The following INTS9 variants were observed in gnomAD, a reference collection of about 807,000 sequenced individuals.
INTS9 encodes protein related to CPSF subunits of 74 kDa.
A neutral mutation model predicts 79.7 loss-of-function variants in INTS9; 55 were observed. The observed-to-expected ratio is 0.69, with a 90% CI of 0.56 to 0.86. INTS9 has a LOEUF of 0.86. Ranked by LOEUF, INTS9 falls within the 40% of genes least tolerant of loss-of-function variation. INTS9 has a pLI of 0.00. For synonymous variants in INTS9, 319 were observed against 325.2 expected (o/e 0.98, Z 0.20); for missense variants, 721 against 831.5 (o/e 0.87, Z 1.64).
chr8:28,884,673 G>A (rs1810092002), intron 1 of INTS9, among the ~76,000 whole-genome samples: 1 of 152,164 alleles, frequency 6.6e-6, no homozygotes, highest in African/African-American at 2.4e-5. Context: ...AAAACCTATT[G>A]AGGTTATGAT....
intron 11 of INTS9, among the ~76,000 whole-genome samples, chr8:28,784,265 G>A (rs943011197): frequency 3.9e-5 from 6 of 152,202 alleles, no homozygotes; most frequent in African/African-American, 1.4e-4. Flanking sequence ...TGACAGGTGT[G>A]TGAGTGAGAA....
chr8:28,788,591 G>T (rs1200949720), intron 10 of INTS9, among the ~76,000 whole-genome samples: 1 of 152,148 alleles, frequency 6.6e-6, no homozygotes, highest in African/African-American at 2.4e-5. Context: ...GCGAATTTTT[G>T]TATTTTTAGT....
At chr8:28,782,318 G>A (rs780738624) in intron 11 of INTS9, among the ~76,000 whole-genome samples, 3 of 152,174 alleles carry the variant, frequency 2.0e-5, no homozygotes, top group South Asian at 2.1e-4. Flanking sequence ...CCCAACACTC[G>A]TGAATCACCA....
At chr8:28,877,146 A>G (rs1231158924) in intron 1 of INTS9, among the ~76,000 whole-genome samples, 1 of 152,180 alleles carries the variant, frequency 6.6e-6, no homozygotes, top group Non-Finnish European at 1.5e-5. Flanking sequence ...GTCTGAGAGC[A>G]GCCTGGAAAA....
intron 6 of INTS9, among the ~76,000 whole-genome samples, chr8:28,827,427 G>C (rs557916516): frequency 2.0e-5 from 3 of 152,210 alleles, no homozygotes; most frequent in African/African-American, 7.2e-5. Flanking sequence ...AAACTGGCTG[G>C]GCATTAAGTG....
intron 3 of INTS9, among the ~76,000 whole-genome samples, chr8:28,848,276 C>G (rs537302632): frequency 3.3e-5 from 5 of 152,182 alleles, no homozygotes; most frequent in Non-Finnish European, 5.9e-5. Flanking sequence ...CCATTAGTCA[C>G]TCAACATATA....
At chr8:28,841,305 T>C in intron 4 of INTS9, among the ~76,000 whole-genome samples, 1 of 152,172 alleles carries the variant, frequency 6.6e-6, no homozygotes, top group East Asian at 1.9e-4. Context: ...TAGCATCATT[T>C]TTAAACAAAT....
chr8:28,771,087 G>A lies in INTS9; in HGVS notation c.1564-7C>T. 1 of 1,595,738 alleles carries A rather than the reference G, an allele frequency of 6.3e-7. No individual in the cohort carries two copies. Among genetic ancestry groups the A allele is most frequent in the Non-Finnish European group, 8.5e-7 (1 of 1,169,816 alleles). Reference sequence around the variant, plus strand: ...GCACCAGTGAATCTGCGAGCTGAAAGCAAAGGGCGCAGTTCAGGCTGGGGG... The same window carrying A: ...GCACCAGTGAATCTGCGAGCTGAAAACAAAGGGCGCAGTTCAGGCTGGGGG... On this transcript the variant is annotated splice_polypyrimidine_tract_variant and splice_region_variant and intron_variant, in intron 14 of 16. Coordinates refer to ENST00000521022, the MANE Select transcript of INTS9 (RefSeq NM_018250.4).
At chr8:28,775,428 C>T (rs1033938562) in intron 14 of INTS9, among the ~76,000 whole-genome samples, 1 of 151,782 alleles carries the variant, frequency 6.6e-6, no homozygotes, top group Non-Finnish European at 1.5e-5. Context: ...CCTCCACCTC[C>T]TGGTTCAAGC....
intron 1 of INTS9, among the ~76,000 whole-genome samples, chr8:28,878,136 A>G (rs866946452): frequency 4.6e-5 from 7 of 152,216 alleles, no homozygotes; most frequent in South Asian, 2.1e-4. Flanking sequence ...AGAAAAATCA[A>G]TATGCCAAAC....
At chr8:28,786,963 C>T (rs562377504) in intron 11 of INTS9, among the ~76,000 whole-genome samples, 12 of 152,256 alleles carry the variant, frequency 7.9e-5, no homozygotes, top group East Asian at 1.9e-4. Flanking sequence ...GTGATCCACC[C>T]GCCTTGGCCT....
rs143243281 is a variant in INTS9 at position 28,770,307 on chromosome 8, G to A, written c.1663-281C>T. Among the ~76,000 whole-genome samples the A allele has an allele frequency of 1.1e-4, 16 of 152,340 alleles. No homozygotes were observed. In the East Asian group the frequency reaches 3.1e-3, roughly 29 times the overall value. On this transcript the variant is annotated intron_variant, in intron 15 of 16. Coordinates refer to ENST00000521022, the MANE Select transcript of INTS9 (RefSeq NM_018250.4). ...TTTCAGGTGGTTCACTTCAGTATCT[G>A]CTGAGTAAATTCTCCAGAATACACT... is the stretch of plus-strand genomic sequence containing the variant.
intron 1 of INTS9, among the ~76,000 whole-genome samples, chr8:28,879,956 G>A (rs1288889125): frequency 6.6e-6 from 1 of 152,008 alleles, no homozygotes; most frequent in African/African-American, 2.4e-5. Flanking sequence ...CTGGATCGTG[G>A]TGAATGAGGC....
intron 2 of INTS9, 47 bp downstream of exon 2, chr8:28,859,389 T>C: frequency 6.2e-7 from 1 of 1,602,918 alleles, no homozygotes; most frequent in South Asian, 1.1e-5. Context: ...GTACCATTTT[T>C]CAGCAAACTT....
At chr8:28,832,449 C>G (rs765779556) in intron 6 of INTS9, among the ~76,000 whole-genome samples, 1 of 152,200 alleles carries the variant, frequency 6.6e-6, no homozygotes, top group Admixed American at 6.5e-5. Flanking sequence ...CACAGATAAG[C>G]CTACTTCCTC....
At chr8:28,871,454 C>G (rs1399180342) in intron 1 of INTS9, among the ~76,000 whole-genome samples, 1 of 151,892 alleles carries the variant, frequency 6.6e-6, no homozygotes, top group African/African-American at 2.4e-5. Flanking sequence ...GCCCAGGCTG[C>G]AGTGCAGTGA....
chr8:28,850,162 T>C (rs775801629), intron 3 of INTS9, 51 bp downstream of exon 3: 2 of 1,481,844 alleles, frequency 1.3e-6, no homozygotes, highest in South Asian at 1.1e-5. Context: ...TATGAGAAGA[T>C]AGCTTTCCAC....
At chr8:28,786,822 A>G (rs1803623947) in intron 11 of INTS9, among the ~76,000 whole-genome samples, 1 of 152,048 alleles carries the variant, frequency 6.6e-6, no homozygotes, top group Admixed American at 6.5e-5. Flanking sequence ...GGTTCACGCC[A>G]TTCTCCTGCT....
At chr8:28,768,470 A>G in intron 16 of INTS9, 148 bp from the exon 17 acceptor site, 1 of 704,042 alleles carries the variant, frequency 1.4e-6, no homozygotes, top group African/African-American at 1.8e-5. Context: ...TATGATAGTG[A>G]TAGTTTCTTA....
Sources: gnomAD v4.1 joint callset for allele counts (sites outside exome capture counted in the v4.1 genomes callset) on GRCh38, gnomAD v4.1.1 for gene constraint, MANE v1.5 for transcripts, NCBI Gene and HGNC (gene_info 2026-07-23, HGNC 2026-07-21) for gene names.